Variants in FRMD4A observed in about 807,000 individuals in gnomAD.
FRMD4A encodes the protein FERM domain containing 4A, also known as FERM domain-containing protein 4A.
Under a neutral mutation model 129.1 loss-of-function variants are expected in FRMD4A, and 29 were observed. The ratio of observed to expected loss-of-function variants is 0.22; its 90% confidence interval spans 0.17 to 0.31. The LOEUF (loss-of-function observed/expected upper bound fraction) is 0.31. Among genes scored for constraint, FRMD4A ranks in the 10% least tolerant of loss-of-function variants. The pLI, the probability that FRMD4A is intolerant of heterozygous loss-of-function variation, is 1.00. For synonymous variants in FRMD4A, 634 were observed against 571.6 expected (o/e 1.11, Z -1.56); for missense variants, 1,272 against 1,375.8 (o/e 0.92, Z 1.19).
rs532589035 is a variant in FRMD4A at position 13,857,692 on chromosome 10, C to G, written c.111+1155G>C. ...TTCCCCCATGAGCAGATGGCATCCT[C>G]TCAACTCACTGATGAACTGCAGCTT... On this transcript the variant is annotated intron_variant, in intron 3 of 24. Coordinates refer to ENST00000357447, the MANE Select transcript of FRMD4A (RefSeq NM_018027.5). Among the ~76,000 whole-genome samples, 7 of 152,322 alleles carry G rather than the reference C, an allele frequency of 4.6e-5. No individual in the cohort carries two copies. The South Asian group carries it at 1.2e-3, about 27-fold the overall frequency.
At position 13,747,043 on chromosome 10, in the gene FRMD4A, C is replaced by G. The variant is rs536736618; in HGVS notation, c.548+693G>C. Among the ~76,000 whole-genome samples the G allele has an allele frequency of 3.9e-5, 6 of 152,208 alleles. No individual in the cohort carries two copies. In the East Asian group the frequency reaches 9.6e-4, roughly 24 times the overall value. On this transcript the variant is annotated intron_variant, in intron 9 of 24. Coordinates refer to ENST00000357447, the MANE Select transcript of FRMD4A (RefSeq NM_018027.5). ...AGAAGAAAACCCTGTGGTTCTCCCA[C>G]GTCTCAAAACCTCACACATGCTGTC...
rs1460700061 is a variant in FRMD4A, at chr10:14,113,920, G to A, written c.45+216138C>T. Among the ~76,000 whole-genome samples the A allele has an allele frequency of 3.3e-5, 5 of 152,096 alleles. No homozygotes were observed. The East Asian group carries it at 7.7e-4, about 24-fold the overall frequency. ...CTGGGAGTCACATCTCCGAGCCTCTGCTGCTCTGCATCCCACCTCACCCCC... is the reference window on the plus strand; with the variant it reads ...CTGGGAGTCACATCTCCGAGCCTCTACTGCTCTGCATCCCACCTCACCCCC... On this transcript the variant is annotated intron_variant, in intron 2 of 24. Coordinates refer to ENST00000357447, the MANE Select transcript of FRMD4A (RefSeq NM_018027.5).
intron 2 of FRMD4A, among the ~76,000 whole-genome samples, chr10:13,909,691 T>C (rs1438712586): frequency 6.6e-6 from 1 of 152,220 alleles, no homozygotes; most frequent in Non-Finnish European, 1.5e-5. Flanking sequence ...ACTGTCGCAA[T>C]GCCATTTAAA....
chr10:13,838,236 C>A (rs7913247), intron 3 of FRMD4A, among the ~76,000 whole-genome samples: 1 of 151,192 alleles, frequency 6.6e-6, no homozygotes, highest in Non-Finnish European at 1.5e-5. Context: ...CAGACGTGCA[C>A]CACCATGCAG....
intron 15 of FRMD4A, among the ~76,000 whole-genome samples, chr10:13,688,882 T>A (rs1458016060): frequency 6.6e-6 from 1 of 152,072 alleles, no homozygotes; most frequent in East Asian, 1.9e-4. Flanking sequence ...CACGCCTAGC[T>A]AATTTTTATA....
rs145394390 is a variant in FRMD4A, at chr10:14,131,905, C to T, written c.45+198153G>A. 3.3e-3 allele frequency among the ~76,000 whole-genome samples: 508 copies of T among 152,262 alleles called. 1 individual carries two copies. The highest frequency in any genetic ancestry group is 0.01 in the Middle Eastern group (3 of 294). ...GATCAAAACACCTGCACCTCCATCG[C>T]CCTGACCGAAGACCCCTGCTTTGTT... On this transcript the variant is annotated intron_variant, in intron 2 of 24. Transcript: ENST00000357447.
At chr10:13,763,255 T>C (rs920507465) in intron 6 of FRMD4A, among the ~76,000 whole-genome samples, 2 of 152,168 alleles carry the variant, frequency 1.3e-5, no homozygotes, top group Non-Finnish European at 2.9e-5. Flanking sequence ...TATTAATCAC[T>C]GGAATAGGGA....
At chr10:13,823,284 G>C (rs1465584569) in intron 3 of FRMD4A, among the ~76,000 whole-genome samples, 1 of 152,166 alleles carries the variant, frequency 6.6e-6, no homozygotes, top group Non-Finnish European at 1.5e-5. Context: ...GTTCATTAGG[G>C]AGGCCTCCTG....
chr10:13,949,301 C>CAAAAAAAAA (rs34006963), intron 2 of FRMD4A, among the ~76,000 whole-genome samples: 8 of 98,694 alleles, frequency 8.1e-5, no homozygotes, highest in Non-Finnish European at 9.1e-5. Context: ...TTCTAGTGAT[C>CAAAAAAAAA]AAAAAAAAAA....
rs7095086 is a variant in FRMD4A at position 13,857,433 on chromosome 10, G to A, written c.111+1414C>T. On this transcript the variant is annotated intron_variant, in intron 3 of 24. Coordinates refer to ENST00000357447, the MANE Select transcript of FRMD4A (RefSeq NM_018027.5). ...AAGAAATATAAATATGAAAAATGCT[G>A]GAAAGAAATCCACCAAAAAGGGAAC... 2.5e-3 allele frequency among the ~76,000 whole-genome samples: 384 copies of A among 152,160 alleles called. 2 individuals carry two copies. Among genetic ancestry groups the A allele is most frequent in the African/African-American group, 8.8e-3 (366 of 41,502 alleles).
At chr10:13,658,436 G>A (rs150805583) in intron 21 of FRMD4A, among the ~76,000 whole-genome samples, 3 of 152,366 alleles carry the variant, frequency 2.0e-5, no homozygotes, top group East Asian at 3.9e-4. Context: ...GGCAGATGAT[G>A]TTGCCCGATG....
intron 8 of FRMD4A, among the ~76,000 whole-genome samples, chr10:13,751,460 A>T (rs920266844): frequency 3.3e-5 from 5 of 152,308 alleles, no homozygotes; most frequent in African/African-American, 1.2e-4. Context: ...CATCTGCAAT[A>T]ACTTAGGGGT....
intron 2 of FRMD4A, among the ~76,000 whole-genome samples, chr10:13,953,413 C>T (rs953132421): frequency 5.3e-5 from 8 of 152,124 alleles, no homozygotes; most frequent in Admixed American, 1.3e-4. Flanking sequence ...ATGGGTCAAC[C>T]GAAGTCCAAA....
chr10:13,884,206 A>ACACACT (rs2094589487), intron 2 of FRMD4A, among the ~76,000 whole-genome samples: 1 of 83,334 alleles, frequency 1.2e-5, no homozygotes, highest in African/African-American at 4.7e-5. Flanking sequence ...TCACACACAC[A>ACACACT]CTCACACACA....
At chr10:13,650,495 G>T (rs908017262) in intron 24 of FRMD4A, among the ~76,000 whole-genome samples, 3 of 152,164 alleles carry the variant, frequency 2.0e-5, no homozygotes, top group Admixed American at 1.3e-4. Flanking sequence ...TTCAAACCTG[G>T]TTAATTCTAC....
chr10:13,890,752 C>T (rs2094685805), intron 2 of FRMD4A: 1 of 985,322 alleles, frequency 1.0e-6, no homozygotes, highest in African/African-American at 1.7e-5. Flanking sequence ...GAGTCCTTTG[C>T]GGGCATTGGT....
intron 15 of FRMD4A, among the ~76,000 whole-genome samples, chr10:13,686,682 T>C (rs2085116657): frequency 2.0e-5 from 3 of 152,196 alleles, no homozygotes; most frequent in African/African-American, 7.2e-5. Context: ...ATCTTGCTGA[T>C]CACACTGCAG....
At chr10:13,890,492 G>C (rs2094682470) in intron 2 of FRMD4A, 1 of 970,698 alleles carries the variant, frequency 1.0e-6, no homozygotes, top group Non-Finnish European at 1.2e-6. Flanking sequence ...TGCAGAGGTG[G>C]AAGGGGGGTA....
At chr10:14,179,388 T>TA (rs1386862640) in intron 2 of FRMD4A, among the ~76,000 whole-genome samples, 1 of 152,204 alleles carries the variant, frequency 6.6e-6, no homozygotes, top group African/African-American at 2.4e-5. Flanking sequence ...TTTGGGATGA[T>TA]AATGGATAGA....
Sources: gnomAD v4.1 joint callset for allele counts (sites outside exome capture counted in the v4.1 genomes callset) on GRCh38, gnomAD v4.1.1 for gene constraint, MANE v1.5 for transcripts, NCBI Gene and HGNC (gene_info 2026-07-23, HGNC 2026-07-21) for gene names.